BRINP2: variants seen among roughly 807,000 people sequenced by gnomAD.
The protein encoded by BRINP2 is BMP/retinoic acid inducible neural specific 2, also known as BMP/retinoic acid-inducible neural-specific protein 2.
BRINP2 carries 21 observed loss-of-function variants against 69.2 expected under a neutral mutation model. The ratio of observed to expected loss-of-function variants is 0.30; its 90% CI spans 0.22 to 0.44. The LOEUF is 0.44. BRINP2 is among the 20% of genes least tolerant of loss of function. The probability of loss-of-function intolerance (pLI) is 1.00; values close to 1 mark genes in which losing one functional copy is unlikely to be tolerated. For synonymous variants in BRINP2, 380 were observed against 394.1 expected (o/e 0.96, Z 0.42); for missense variants, 877 against 986.0 (o/e 0.89, Z 1.48).
chr1:177,221,253 G>T (rs1183527643), intron 1 of BRINP2, among the ~76,000 whole-genome samples: 1 of 152,148 alleles, frequency 6.6e-6, no homozygotes, highest in Non-Finnish European at 1.5e-5. Flanking sequence ...AGTAAATAAC[G>T]CATGGAAAGT....
rs987731542 is a variant in BRINP2, at chr1:177,281,330, G to A, written c.2154G>A (p.Leu718=). ...YTQGSQDSAL[L]QLIELRDRVN... ...AAGGTTCCCAGGACTCTGCACTCTT[G>A]CAGCTCATTGAGCTCAGGGACCGGG... Residue 718 remains leucine, a synonymous_variant, in exon 8 of 8, where the codon TTG becomes TTA. Coordinates refer to ENST00000361539, the MANE Select transcript of BRINP2 (RefSeq NM_021165.4). 2.5e-6 allele frequency: 4 copies of A among 1,614,032 alleles called. No homozygotes were observed. In the Admixed American group the frequency reaches 5.0e-5, roughly 20 times the overall value.
intron 1 of BRINP2, among the ~76,000 whole-genome samples, chr1:177,209,663 G>A (rs905582598): frequency 2.0e-5 from 3 of 152,152 alleles, no homozygotes. Flanking sequence ...TCCTGGAAAT[G>A]AAAGGATTGT....
chr1:177,175,532 A>T (rs1273479529), intron 1 of BRINP2, among the ~76,000 whole-genome samples: 2 of 152,192 alleles, frequency 1.3e-5, no homozygotes, highest in African/African-American at 4.8e-5. Context: ...AACCCTAGTC[A>T]CTGGTCTTCA....
At position 177,281,433 on chromosome 1, in the gene BRINP2, A is replaced by G; in HGVS notation, c.2257A>G (p.Asn753Asp). ...GCTCCGGCATCGGCTTAAGCTGGCC[A>G]ACAATGAGGTGGGCAGGATCCAGTC... The part of the protein sequence containing the change: ...CLLRHRLKLA[N>D]NEVGRIQSSL... The change falls in exon 8 of 8, where the codon AAC (asparagine) becomes GAC (aspartate). Residue 753 changes from asparagine to aspartate, a missense_variant. Coordinates refer to ENST00000361539, the MANE Select transcript of BRINP2 (RefSeq NM_021165.4). The G allele has an allele frequency of 6.2e-7, 1 of 1,614,116 alleles. No individual in the cohort carries two copies. The highest frequency in any genetic ancestry group is 8.5e-7 in the Non-Finnish European group (1 of 1,180,034).
chr1:177,228,726 A>T (rs146287616), intron 1 of BRINP2, among the ~76,000 whole-genome samples: 2 of 152,318 alleles, frequency 1.3e-5, no homozygotes, highest in South Asian at 2.1e-4. Flanking sequence ...AGATTGAGGA[A>T]ATGATCACAA....
chr1:177,255,677 T>C (rs1019784172), intron 2 of BRINP2, among the ~76,000 whole-genome samples: 17 of 152,364 alleles, frequency 1.1e-4, no homozygotes, highest in Non-Finnish European at 2.4e-4. Flanking sequence ...GATGAGAAAG[T>C]TGGCTGGGAG....
intron 4 of BRINP2, among the ~76,000 whole-genome samples, chr1:177,270,118 A>G (rs561901538): frequency 6.6e-6 from 1 of 151,604 alleles, no homozygotes; most frequent in Non-Finnish European, 1.5e-5. Context: ...TGCTTACTCA[A>G]GTCAGTACTC....
intron 4 of BRINP2, among the ~76,000 whole-genome samples, chr1:177,266,095 G>A (rs916268402): frequency 4.6e-5 from 7 of 151,448 alleles, no homozygotes; most frequent in African/African-American, 1.7e-4. Context: ...ATTCCAGCCT[G>A]GGTGACAGAG....
At chr1:177,260,052 A>G (rs1247641705) in intron 4 of BRINP2, among the ~76,000 whole-genome samples, 1 of 152,208 alleles carries the variant, frequency 6.6e-6, no homozygotes, top group Non-Finnish European at 1.5e-5. Flanking sequence ...GTAAATTGAA[A>G]ATCATTTAGA....
chr1:177,213,898 C>A (rs1011715509), intron 1 of BRINP2, among the ~76,000 whole-genome samples: 3 of 152,088 alleles, frequency 2.0e-5, no homozygotes, highest in Admixed American at 2.0e-4. Context: ...ATTTTTTTAA[C>A]TTTCTTAAAA....
At chr1:177,237,819 G>A (rs1373231555) in intron 2 of BRINP2, among the ~76,000 whole-genome samples, 2 of 152,088 alleles carry the variant, frequency 1.3e-5, no homozygotes, top group South Asian at 2.1e-4. Context: ...GACTTCATCC[G>A]GAAACTGTCA....
At chr1:177,261,135 T>C (rs980796275) in intron 4 of BRINP2, among the ~76,000 whole-genome samples, 17 of 151,842 alleles carry the variant, frequency 1.1e-4, no homozygotes, top group Admixed American at 4.6e-4. Flanking sequence ...CAGTGTACTT[T>C]GTATGATCCA....
In BRINP2 at chr1:177,278,567, G is replaced by C; in HGVS notation, c.1017G>C (p.Glu339Asp). ...GTCCTGTGTTCTTGTCCACAGAAGA[G>C]TTCCAGGCCCTGCTGAAAAGGCTGC... ...THNRQFEESE[E>D]FQALLKRLPD... Residue 339 changes from glutamate to aspartate, a missense_variant, in exon 7 of 8, where the codon GAG (glutamate) becomes GAC (aspartate). By Grantham distance (45) the Glu-to-Asp change is conservative. Coordinates refer to ENST00000361539, the MANE Select transcript of BRINP2 (RefSeq NM_021165.4). The C allele has an allele frequency of 6.2e-7, 1 of 1,614,140 alleles. No homozygotes were observed. Among genetic ancestry groups the C allele is most frequent in the East Asian group, 2.2e-5 (1 of 44,872 alleles).
In BRINP2 at chr1:177,230,060, C is replaced by T. The variant is rs768728535; in HGVS notation, c.184C>T (p.Arg62Trp). The T allele has an allele frequency of 5.6e-6, 9 of 1,613,744 alleles. No homozygotes were observed. Among genetic ancestry groups the T allele is most frequent in the East Asian group, 2.2e-5 (1 of 44,882 alleles). The change falls in exon 2 of 8, where the codon CGG becomes TGG. Residue 62 changes from arginine to tryptophan, a missense_variant. By Grantham distance (101) the Arg-to-Trp change is moderately radical. This residue lies in a region of BRINP2 where 566 missense variants were observed against 625.2 expected (regional missense o/e 0.91). Coordinates refer to ENST00000361539, the MANE Select transcript of BRINP2 (RefSeq NM_021165.4). ...TCCCCTGGACTGGCTGCTCACAGAC[C>T]GGGGCCCCTTCCACCGCGCTCAGGA... ...QHPLDWLLTD[R>W]GPFHRAQEYA...
intron 4 of BRINP2, among the ~76,000 whole-genome samples, chr1:177,266,590 T>A (rs1651129916): frequency 1.3e-5 from 2 of 151,418 alleles, no homozygotes; most frequent in South Asian, 4.2e-4. Flanking sequence ...AAACCCGGTC[T>A]CTACTAAAAA....
chr1:177,277,373 G>A (rs1018300086), intron 6 of BRINP2, among the ~76,000 whole-genome samples: 1 of 151,648 alleles, frequency 6.6e-6, no homozygotes, highest in South Asian at 2.1e-4. Flanking sequence ...GGAAGTTTAG[G>A]GCCCTCACAT....
At position 177,192,623 on chromosome 1, in the gene BRINP2, A is replaced by T. The variant is rs1204427514; in HGVS notation, c.-77+20891A>T. On this transcript the variant is annotated intron_variant, in intron 1 of 7. Transcript: ENST00000361539. ...CATCTCCCTGGTATAGATGAGTTTC[A>T]ACTTTTATTACTACCAATGACCAAT... Among the ~76,000 whole-genome samples, 6 of 152,150 alleles carry T rather than the reference A, an allele frequency of 3.9e-5. No individual in the cohort carries two copies. In the East Asian group the frequency reaches 7.7e-4, roughly 20 times the overall value.
At chr1:177,217,034 T>C (rs1276291172) in intron 1 of BRINP2, among the ~76,000 whole-genome samples, 1 of 152,090 alleles carries the variant, frequency 6.6e-6, no homozygotes, top group Non-Finnish European at 1.5e-5. Context: ...TACCTAGGTG[T>C]TGGCTTCTTT....
chr1:177,250,277 G>GT (rs1387298559), intron 2 of BRINP2, among the ~76,000 whole-genome samples: 1 of 151,942 alleles, frequency 6.6e-6, no homozygotes, highest in African/African-American at 2.4e-5. Context: ...TTTTTTGTTT[G>GT]TTTTTTGTTC....
Sources: allele counts gnomAD v4.1 joint callset (sites outside exome capture counted in the v4.1 genomes callset), GRCh38; gene constraint gnomAD v4.1.1; regional missense constraint gnomAD v4.1.1; transcripts MANE v1.5; gene names NCBI Gene and HGNC (gene_info 2026-07-23, HGNC 2026-07-21).